The following STAB2 variants were observed in gnomAD, a reference collection of about 807,000 sequenced individuals.
The protein encoded by STAB2 is stabilin-2.
STAB2 carries 288 observed loss-of-function variants against 338.1 expected under a neutral mutation model. The ratio of observed to expected loss-of-function variants is 0.85; its 90% CI spans 0.77 to 0.94. STAB2 has a LOEUF of 0.94. STAB2 is among the 40% of genes least tolerant of loss of function. STAB2 has a pLI of 0.00. For missense variants in STAB2, 3,141 were observed against 3,210.1 expected (o/e 0.98, Z 0.52); for synonymous variants, 1,202 against 1,193.3 (o/e 1.01, Z -0.15).
At chr12:103,664,492 C>T (rs1874904864) in intron 18 of STAB2, among the ~76,000 whole-genome samples, 2 of 152,222 alleles carry the variant, frequency 1.3e-5, no homozygotes, top group Admixed American at 1.3e-4. Flanking sequence ...TACTGCTGTA[C>T]ATGCACTATT....
chr12:103,735,286 T>C (rs935378697), intron 51 of STAB2, among the ~76,000 whole-genome samples: 4 of 152,236 alleles, frequency 2.6e-5, no homozygotes. Context: ...TGGTCAACTC[T>C]TTCCCTCAAG....
At chr12:103,591,683 C>T (rs1395466342) in intron 2 of STAB2, among the ~76,000 whole-genome samples, 1 of 152,084 alleles carries the variant, frequency 6.6e-6, no homozygotes, top group African/African-American at 2.4e-5. Flanking sequence ...GACCTTGATA[C>T]TAATTAGAAG....
chr12:103,732,851 G>A (rs1183893497), intron 50 of STAB2, among the ~76,000 whole-genome samples, 155 bp from the exon 51 acceptor site: 2 of 152,042 alleles, frequency 1.3e-5, no homozygotes, highest in Non-Finnish European at 2.9e-5. Flanking sequence ...GGGTGTGATG[G>A]GCTTCTAGTT....
At chr12:103,610,118 T>C (rs1299495741) in intron 3 of STAB2, among the ~76,000 whole-genome samples, 1 of 151,946 alleles carries the variant, frequency 6.6e-6, no homozygotes, top group Non-Finnish European at 1.5e-5. Context: ...TTTGCATCGA[T>C]GTTCATCAGG....
intron 15 of STAB2, among the ~76,000 whole-genome samples, chr12:103,656,755 C>T (rs1212488931): frequency 6.8e-6 from 1 of 147,964 alleles, no homozygotes; most frequent in African/African-American, 2.5e-5. Context: ...GGCGCAATCT[C>T]GGCTCACTGC....
rs973716825 is a variant in STAB2 at position 103,761,214 on chromosome 12, G to A, written c.7249-86G>A. ...ACAAACCTGAAACATGGGCTCAGGG[G>A]CCTTGGGAAAATTGAACAACTTCCC... is the stretch of plus-strand genomic sequence containing the variant. On this transcript the variant is annotated intron_variant, in intron 65 of 68. Coordinates refer to ENST00000388887, the MANE Select transcript of STAB2 (RefSeq NM_017564.10). 7 of 1,250,542 alleles carry A rather than the reference G, an allele frequency of 5.6e-6. No individual in the cohort carries two copies. The African/African-American group carries it at 5.9e-5, about 11-fold the overall frequency. The allele number at this position is 1,250,542 out of a possible 1,614,324, so 77.5% of individuals were successfully genotyped here.
chr12:103,764,967 A>T (rs1884816753), intron 68 of STAB2, among the ~76,000 whole-genome samples: 3 of 151,788 alleles, frequency 2.0e-5, no homozygotes, highest in South Asian at 4.2e-4. Flanking sequence ...GCCTGCCTGT[A>T]ATCCCAGCTA....
intron 6 of STAB2, among the ~76,000 whole-genome samples, chr12:103,636,401 T>C (rs542157071): frequency 6.6e-6 from 1 of 151,834 alleles, no homozygotes; most frequent in South Asian, 2.1e-4. Context: ...CTTTCCCTGT[T>C]CAAATAATTA....
chr12:103,734,109 C>T (rs1297311036), intron 51 of STAB2, among the ~76,000 whole-genome samples: 2 of 135,252 alleles, frequency 1.5e-5, no homozygotes, highest in Non-Finnish European at 3.1e-5. Flanking sequence ...CTTATAGGAG[C>T]AAGCACGATC....
intron 15 of STAB2, among the ~76,000 whole-genome samples, chr12:103,657,245 AAG>A (rs1422774350): frequency 1.3e-5 from 2 of 150,608 alleles, no homozygotes; most frequent in Non-Finnish European, 3.0e-5. Flanking sequence ...AAAAAAAAAA[AAG>A]GTAATGTTGT....
chr12:103,616,974 T>A (rs1222803985), intron 3 of STAB2, among the ~76,000 whole-genome samples: 2 of 152,202 alleles, frequency 1.3e-5, no homozygotes, highest in Non-Finnish European at 2.9e-5. Flanking sequence ...TTCCTCTACA[T>A]CCTCACCTCC....
chr12:103,717,449 C>T (rs1476506829), intron 43 of STAB2, among the ~76,000 whole-genome samples: 2 of 151,980 alleles, frequency 1.3e-5, no homozygotes, highest in Admixed American at 6.5e-5. Context: ...CTCAACTGAC[C>T]TTTACCAATC....
chr12:103,669,583 C>T lies in STAB2; in HGVS notation c.2215C>T (p.Gln739Ter), dbSNP rs1875534112. Reference protein sequence around the residue: ...CKGFYGPDCNQCPGGFSNPCS... With the variant: ...CKGFYGPDCN ...AGGCTTCTATGGACCTGACTGCAAC[C>T]AGTGTCCAGGAGGCTTCTCAAATCC... Residue 739 changes from glutamine (Q) to a stop codon, truncating the protein, a stop_gained, in exon 21 of 69, where the codon CAG (glutamine) becomes TAG (stop). Transcript: ENST00000388887. LOFTEE classifies it high-confidence loss of function. The T allele has an allele frequency of 3.1e-6, 5 of 1,614,194 alleles. No individual in the cohort carries two copies. The East Asian group carries it at 8.9e-5, about 29-fold the overall frequency.
intron 60 of STAB2, among the ~76,000 whole-genome samples, chr12:103,752,987 T>C (rs893677562): frequency 6.6e-6 from 1 of 152,240 alleles, no homozygotes; most frequent in African/African-American, 2.4e-5. Flanking sequence ...TTTTTGCTTA[T>C]GTTTTTACTT....
chr12:103,735,017 A>C (rs1881998028), intron 51 of STAB2, among the ~76,000 whole-genome samples: 1 of 151,952 alleles, frequency 6.6e-6, no homozygotes, highest in African/African-American at 2.4e-5. Flanking sequence ...TTAAGAGTCC[A>C]CTCTACTCCA....
At chr12:103,695,482 C>T in intron 31 of STAB2, 68 bp from the exon 32 acceptor site, 1 of 1,466,836 alleles carries the variant, frequency 6.8e-7, no homozygotes, top group Non-Finnish European at 9.5e-7. Flanking sequence ...ATTAGACTCT[C>T]CTATGTATCG....
chr12:103,609,785 T>C (rs1957092811), intron 3 of STAB2, among the ~76,000 whole-genome samples: 1 of 152,148 alleles, frequency 6.6e-6, no homozygotes. Context: ...AGGGAATGCT[T>C]CCAGTTTTTG....
In STAB2 at chr12:103,636,074, T is replaced by A. The variant is rs545802264; in HGVS notation, c.584-1037T>A. On this transcript the variant is annotated intron_variant, in intron 6 of 68. Transcript: ENST00000388887. Reference sequence around the variant, plus strand: ...ATTTTATTATTATTATACTTTAAGTTTTAGGGTACATGTGCACAACGTGCA... The same window carrying A: ...ATTTTATTATTATTATACTTTAAGTATTAGGGTACATGTGCACAACGTGCA... 9.9e-5 allele frequency among the ~76,000 whole-genome samples: 15 copies of A among 152,246 alleles called. No homozygotes were observed. In the South Asian group the frequency reaches 1.9e-3, roughly 19 times the overall value.
intron 17 of STAB2, among the ~76,000 whole-genome samples, chr12:103,661,938 A>C (rs1247636345): frequency 2.0e-5 from 3 of 152,116 alleles, no homozygotes; most frequent in Non-Finnish European, 4.4e-5. Flanking sequence ...CAGGGTAAGG[A>C]TGCAGGCTCT....
Sources: gnomAD v4.1 joint callset for allele counts (sites outside exome capture counted in the v4.1 genomes callset) on GRCh38, gnomAD v4.1.1 for gene constraint, MANE v1.5 for transcripts, NCBI Gene and HGNC (gene_info 2026-07-23, HGNC 2026-07-21) for gene names.